SMG6: variants seen among roughly 807,000 people sequenced by gnomAD.
SMG6 encodes telomerase-binding protein EST1A.
A neutral mutation model predicts 142.2 loss-of-function variants in SMG6; 66 were observed. The ratio of observed to expected loss-of-function variants is 0.46; its 90% CI spans 0.38 to 0.57. The LOEUF is 0.57. Ranked by LOEUF, SMG6 falls within the 20% of genes least tolerant of loss-of-function variation. The pLI is 0.00. For synonymous variants in SMG6, 779 were observed against 702.4 expected (o/e 1.11, Z -1.72); for missense variants, 1,793 against 1,832.0 (o/e 0.98, Z 0.39).
At chr17:2,066,914 GT>G (rs1417090293) in intron 16 of SMG6, among the ~76,000 whole-genome samples, 2 of 152,230 alleles carry the variant, frequency 1.3e-5, no homozygotes, top group African/African-American at 4.8e-5. Flanking sequence ...CCACGCTGGG[GT>G]CAGGTCTGCG....
intron 13 of SMG6, among the ~76,000 whole-genome samples, chr17:2,111,353 T>C (rs182961444): frequency 3.9e-4 from 59 of 152,092 alleles, no homozygotes; most frequent in African/African-American, 1.4e-3. Flanking sequence ...CTAAGAAAGG[T>C]AATATTTGAT....
At chr17:2,166,551 G>A (rs2151637318) in intron 13 of SMG6, among the ~76,000 whole-genome samples, 2 of 152,312 alleles carry the variant, frequency 1.3e-5, no homozygotes, top group South Asian at 4.1e-4. Flanking sequence ...TAGACGGCCA[G>A]GGCTGAAGTA....
chr17:2,188,579 T>C, intron 10 of SMG6, 64 bp from the exon 11 acceptor site: 1 of 1,410,708 alleles, frequency 7.1e-7, no homozygotes, highest in Non-Finnish European at 1.0e-6. Context: ...ACTGGCCACG[T>C]TACCGAGCTT....
At chr17:2,127,622 C>CCAG in intron 13 of SMG6, 1 of 576,130 alleles carries the variant, frequency 1.7e-6, no homozygotes, top group Non-Finnish European at 3.4e-6. Context: ...GTTCTCAATT[C>CCAG]CAGCAGCTTC....
chr17:2,278,850 G>C (rs2074719004), intron 8 of SMG6, among the ~76,000 whole-genome samples: 1 of 152,044 alleles, frequency 6.6e-6, no homozygotes, highest in Non-Finnish European at 1.5e-5. Context: ...CTCAATACCT[G>C]ACAGCCAAAC....
At position 2,138,012 on chromosome 17, in the gene SMG6, G is replaced by A. The variant is rs368818935; in HGVS notation, c.3357+34646C>T. The stretch of plus-strand genomic sequence containing the variant: ...GAGTAGTATCACGGAGCTCACAATC[G>A]AATTGTCCAGTGTGTAGTCTTAAAG... On this transcript the variant is annotated intron_variant, in intron 13 of 18. Coordinates refer to ENST00000263073, the MANE Select transcript of SMG6 (RefSeq NM_017575.5). Among the ~76,000 whole-genome samples, 22 of 152,134 alleles carry A rather than the reference G, an allele frequency of 1.4e-4. No individual in the cohort carries two copies. In the East Asian group the frequency reaches 4.2e-3, roughly 29 times the overall value.
rs541117428 is a variant in SMG6 at position 2,177,157 on chromosome 17, A to G, written c.3156-4298T>C. ...GCAGCTGACGTCCAGGGAACTGAGA[A>G]GCCCTGCTCTCAGAGGGGCCATGGG... On this transcript the variant is annotated intron_variant, in intron 12 of 18. Transcript: ENST00000263073. 4.6e-5 allele frequency among the ~76,000 whole-genome samples: 7 copies of G among 152,310 alleles called. No individual in the cohort carries two copies. In the East Asian group the frequency reaches 1.4e-3, roughly 29 times the overall value.
At chr17:2,296,300 G>A (rs901968180) in intron 4 of SMG6, among the ~76,000 whole-genome samples, 2 of 152,106 alleles carry the variant, frequency 1.3e-5, no homozygotes, top group Non-Finnish European at 2.9e-5. Flanking sequence ...GTTCTCTTTT[G>A]CTGGACCCTC....
In SMG6 at chr17:2,298,995, C is replaced by A; in HGVS notation, c.1758G>T (p.Arg586=). ...GCTGCAGTTCCTGGTTGTCAGCCAC[C>A]CGGAGAAGCCTGTGCAGCTCCTGTT... ...LQQQELHRLL[R]VADNQELQLS... The change falls in exon 2 of 19, where the codon CGG becomes CGT. Residue 586 remains arginine, a synonymous_variant. Transcript: ENST00000263073. 6.2e-7 allele frequency: 1 copy of A among 1,614,176 alleles called. No individual in the cohort carries two copies. Among genetic ancestry groups the A allele is most frequent in the Non-Finnish European group, 8.5e-7 (1 of 1,180,036 alleles).
intron 8 of SMG6, among the ~76,000 whole-genome samples, chr17:2,272,558 C>G (rs139030435): frequency 8.7e-4 from 133 of 152,314 alleles, no homozygotes; most frequent in African/African-American, 3.0e-3. Context: ...CAGAGCAGCA[C>G]AAAATTTGAG....
At chr17:2,066,361 T>C (rs1472375211) in intron 16 of SMG6, among the ~76,000 whole-genome samples, 1 of 130,890 alleles carries the variant, frequency 7.6e-6, no homozygotes, top group African/African-American at 3.1e-5. Context: ...TGTACATGTG[T>C]GTATATGTCT....
chr17:2,221,759 T>A (rs1274540343), intron 10 of SMG6, among the ~76,000 whole-genome samples: 1 of 152,232 alleles, frequency 6.6e-6, no homozygotes, highest in Non-Finnish European at 1.5e-5. Flanking sequence ...TATTCTTTTT[T>A]TTGAGACGGA....
chr17:2,145,415 C>T (rs1321368845), intron 13 of SMG6, among the ~76,000 whole-genome samples: 1 of 151,822 alleles, frequency 6.6e-6, no homozygotes, highest in Non-Finnish European at 1.5e-5. Flanking sequence ...CTGTGCCCAG[C>T]CTACAGGGAG....
chr17:2,085,832 C>T lies in SMG6; in HGVS notation c.3427G>A (p.Glu1143Lys). The T allele has an allele frequency of 6.2e-7, 1 of 1,614,220 alleles. No homozygotes were observed. The highest frequency in any genetic ancestry group is 8.5e-7 in the Non-Finnish European group (1 of 1,180,046). ...YFLEALCGQE[E>K]PLLAFKGGKY... ...CCACCCTTGAATGCCAGCAGAGGCT[C>T]TTCTTGTCCACAAAGGGCTTCCAGA... Residue 1143 changes from glutamate to lysine, a missense_variant, in exon 14 of 19, where the codon GAG (glutamate) becomes AAG (lysine). Glu to Lys is a moderately conservative substitution (Grantham distance 56). This residue lies in a region of SMG6 where 1,597 missense variants were observed against 1,584.6 expected (regional missense o/e 1.01). Coordinates refer to ENST00000263073, the MANE Select transcript of SMG6 (RefSeq NM_017575.5). The surrounding 1 kb of genome is among the most constrained non-coding windows in gnomAD (Gnocchi z 4.1).
chr17:2,158,900 T>TAA (rs58337632), intron 13 of SMG6, among the ~76,000 whole-genome samples: 103 of 127,268 alleles, frequency 8.1e-4, no homozygotes, highest in African/African-American at 1.5e-3. Flanking sequence ...AGACTATGTT[T>TAA]AAAAAAAAAA....
chr17:2,258,553 T>C (rs1281770046), intron 8 of SMG6, among the ~76,000 whole-genome samples: 2 of 124,526 alleles, frequency 1.6e-5, no homozygotes, highest in Admixed American at 1.8e-4. Context: ...TAAGACTCTG[T>C]CTCAAAAAAA....
At chr17:2,064,168 A>C (rs1012588574) in intron 18 of SMG6, among the ~76,000 whole-genome samples, 1 of 152,180 alleles carries the variant, frequency 6.6e-6, no homozygotes, top group African/African-American at 2.4e-5. Context: ...GCAGAGACGG[A>C]AAGGCAATGA....
chr17:2,172,542 AC>A, intron 13 of SMG6, 115 bp downstream of exon 13: 1 of 1,098,468 alleles, frequency 9.1e-7, no homozygotes, highest in Non-Finnish European at 1.3e-6. Context: ...TTCCCTTAAC[AC>A]CCTTCTCAAT....
chr17:2,077,609 G>A (rs181816872), intron 15 of SMG6, among the ~76,000 whole-genome samples: 1 of 152,306 alleles, frequency 6.6e-6, no homozygotes, highest in African/African-American at 2.4e-5. Context: ...GGCATTTTAC[G>A]TGCACTGTGG....
Sources: gnomAD v4.1 joint callset for allele counts (sites outside exome capture counted in the v4.1 genomes callset) on GRCh38, gnomAD v4.1.1 for gene constraint, gnomAD v4.1.1 regional missense constraint, Gnocchi (gnomAD v3.1) non-coding constraint, MANE v1.5 for transcripts, NCBI Gene and HGNC (gene_info 2026-07-23, HGNC 2026-07-21) for gene names.